Variants in ASAP2 observed in about 807,000 individuals in gnomAD.
ASAP2 encodes ArfGAP with SH3 domain, ankyrin repeat and PH domain 2.
ASAP2 carries 45 observed loss-of-function variants against 131.4 expected under a neutral mutation model. The ratio of observed to expected loss-of-function variants is 0.34; its 90% CI spans 0.27 to 0.44. ASAP2 has a LOEUF of 0.44. ASAP2 is among the 20% of genes least tolerant of loss of function. The probability of loss-of-function intolerance (pLI) is 1.00; values close to 1 mark genes in which losing one functional copy is unlikely to be tolerated. For missense variants in ASAP2, 1,011 were observed against 1,297.0 expected (o/e 0.78, Z 3.39); for synonymous variants, 510 against 503.0 (o/e 1.01, Z -0.19).
intron 1 of ASAP2, among the ~76,000 whole-genome samples, chr2:9,273,929 G>A (rs1666579056): frequency 6.6e-6 from 1 of 152,200 alleles, no homozygotes; most frequent in Admixed American, 6.5e-5. Context: ...CAGGAAGAGG[G>A]GTTTATTTTG....
At chr2:9,230,348 G>A (rs1187461810) in intron 1 of ASAP2, among the ~76,000 whole-genome samples, 1 of 152,172 alleles carries the variant, frequency 6.6e-6, no homozygotes, top group East Asian at 1.9e-4. Context: ...TGGGCCTGCT[G>A]CCACTGCGAG....
intron 1 of ASAP2, among the ~76,000 whole-genome samples, chr2:9,214,107 CTT>C (rs1250904708): frequency 6.6e-6 from 1 of 152,252 alleles, no homozygotes; most frequent in African/African-American, 2.4e-5. Flanking sequence ...AAACACTCCT[CTT>C]TCTTTCCCTA....
intron 1 of ASAP2, among the ~76,000 whole-genome samples, chr2:9,226,757 A>G (rs539765160): frequency 6.6e-6 from 1 of 152,302 alleles, no homozygotes; most frequent in South Asian, 2.1e-4. Flanking sequence ...CGTCCACTCA[A>G]AACATTGGCA....
chr2:9,210,624 C>A (rs1661465767), intron 1 of ASAP2, among the ~76,000 whole-genome samples: 2 of 151,826 alleles, frequency 1.3e-5, no homozygotes, highest in Admixed American at 1.3e-4. Context: ...GCTCGATCCC[C>A]ACTCACTGCA....
chr2:9,384,887 G>A (rs1387856210), intron 20 of ASAP2, among the ~76,000 whole-genome samples: 1 of 152,242 alleles, frequency 6.6e-6, no homozygotes, highest in African/African-American at 2.4e-5. Context: ...TCAGAAAAGT[G>A]GGGGACGATA....
intron 1 of ASAP2, among the ~76,000 whole-genome samples, chr2:9,253,707 G>A (rs1005034495): frequency 2.0e-5 from 3 of 152,024 alleles, no homozygotes; most frequent in African/African-American, 7.3e-5. Context: ...TTGACCTAGT[G>A]CCCTGGAGAT....
intron 3 of ASAP2, among the ~76,000 whole-genome samples, chr2:9,300,058 CCT>C (rs940946616): frequency 1.3e-5 from 2 of 152,146 alleles, no homozygotes; most frequent in African/African-American, 4.8e-5. Flanking sequence ...ATGGGGAACC[CCT>C]GTTTCTACAA....
At chr2:9,219,924 C>T (rs1356560103) in intron 1 of ASAP2, among the ~76,000 whole-genome samples, 1 of 152,192 alleles carries the variant, frequency 6.6e-6, no homozygotes, top group East Asian at 1.9e-4. Context: ...ATGGATTTGC[C>T]TATTCTGGTT....
intron 1 of ASAP2, among the ~76,000 whole-genome samples, chr2:9,276,791 C>T (rs1389014224): frequency 3.3e-5 from 5 of 152,192 alleles, no homozygotes; most frequent in African/African-American, 1.2e-4. Flanking sequence ...CCTCCCACCT[C>T]GACCTCTCAA....
chr2:9,300,265 C>G (rs62121308), intron 3 of ASAP2, among the ~76,000 whole-genome samples: 44,470 of 152,212 alleles, frequency 0.29, 6,916 homozygotes, highest in Non-Finnish European at 0.36. Flanking sequence ...TAATATCTCT[C>G]TTGGGAGGCT....
intron 3 of ASAP2, among the ~76,000 whole-genome samples, chr2:9,309,066 C>T (rs13387963): frequency 0.29 from 44,507 of 152,012 alleles, 6,911 homozygotes; most frequent in Non-Finnish European, 0.36. Context: ...CCCCCAGGTC[C>T]TCATGTGGCT....
chr2:9,248,432 G>A (rs970091586), intron 1 of ASAP2, among the ~76,000 whole-genome samples: 2 of 151,862 alleles, frequency 1.3e-5, no homozygotes, highest in Admixed American at 6.6e-5. Context: ...TCAAGCATGG[G>A]GAAAATGCCA....
chr2:9,250,728 A>C (rs567807875), intron 1 of ASAP2, among the ~76,000 whole-genome samples: 4 of 152,296 alleles, frequency 2.6e-5, no homozygotes, highest in African/African-American at 9.6e-5. Flanking sequence ...GGTGGAGCGG[A>C]GGTGTCTCAG....
intron 1 of ASAP2, among the ~76,000 whole-genome samples, chr2:9,267,029 G>A (rs961354807): frequency 1.5e-4 from 23 of 152,026 alleles, no homozygotes; most frequent in Admixed American, 9.2e-4. Flanking sequence ...TGGTTCTTTC[G>A]CCAACTCTAA....
intron 1 of ASAP2, among the ~76,000 whole-genome samples, chr2:9,220,996 G>T (rs919164229): frequency 1.3e-5 from 2 of 152,080 alleles, no homozygotes; most frequent in African/African-American, 4.8e-5. Flanking sequence ...CCTCAGTTCT[G>T]TTCCATTGAT....
At chr2:9,312,906 T>C (rs1366355154) in intron 3 of ASAP2, among the ~76,000 whole-genome samples, 2 of 152,118 alleles carry the variant, frequency 1.3e-5, no homozygotes, top group Admixed American at 1.3e-4. Flanking sequence ...ATACAAAAAT[T>C]AGCTGGGCAT....
At chr2:9,312,304 A>C (rs553296757) in intron 3 of ASAP2, among the ~76,000 whole-genome samples, 2 of 152,198 alleles carry the variant, frequency 1.3e-5, no homozygotes, top group African/African-American at 2.4e-5. Context: ...TTCCAAAGAG[A>C]AAAACCGTGA....
intron 1 of ASAP2, among the ~76,000 whole-genome samples, chr2:9,220,148 T>C (rs535613578): frequency 1.3e-5 from 2 of 152,376 alleles, no homozygotes; most frequent in African/African-American, 4.8e-5. Flanking sequence ...TAGGCTATTA[T>C]GAATAATCCT....
rs532546814 is a variant in ASAP2 at position 9,270,829 on chromosome 2, G to C, written c.127-8488G>C. Among the ~76,000 whole-genome samples the C allele has an allele frequency of 5.4e-3, 530 of 98,120 alleles. 10 individuals carry two copies. Among genetic ancestry groups the C allele is most frequent in the Middle Eastern group, 0.038 (3 of 78 alleles). 64.4% of individuals were successfully genotyped at this position (98,120 alleles called of 152,430 possible). A position where few individuals can be genotyped will look rare whatever the true frequency, so the allele number is the denominator to read the frequency against. On this transcript the variant is annotated intron_variant, in intron 1 of 27. Transcript: ENST00000281419. Reference sequence around the variant, plus strand: ...TTTTTTTGAGACGGAGTCTCGCTCCGTCGCCCAGGCTGGAGTGCAGTGGCG... The same window carrying C: ...TTTTTTTGAGACGGAGTCTCGCTCCCTCGCCCAGGCTGGAGTGCAGTGGCG...
Sources: allele counts gnomAD v4.1 joint callset (sites outside exome capture counted in the v4.1 genomes callset), GRCh38; gene constraint gnomAD v4.1.1; transcripts MANE v1.5; gene names NCBI Gene and HGNC (gene_info 2026-07-23, HGNC 2026-07-21).